USP8: variants seen among roughly 807,000 people sequenced by gnomAD.
The protein encoded by USP8 is ubiquitin carboxyl-terminal hydrolase 8.
USP8 carries 27 observed loss-of-function variants against 130.0 expected under a neutral mutation model. The ratio of observed to expected loss-of-function variants is 0.21; its 90% confidence interval spans 0.15 to 0.29. The LOEUF (loss-of-function observed/expected upper bound fraction) is 0.29. Among genes scored for constraint, USP8 ranks in the 10% least tolerant of loss-of-function variants. The probability of loss-of-function intolerance (pLI) is 1.00; values close to 1 mark genes in which losing one functional copy is unlikely to be tolerated. For synonymous variants in USP8, 392 were observed against 444.1 expected (o/e 0.88, Z 1.48); for missense variants, 1,029 against 1,312.2 (o/e 0.78, Z 3.33).
intron 1 of USP8, among the ~76,000 whole-genome samples, chr15:50,428,964 T>G (rs944003492): frequency 2.0e-5 from 3 of 152,232 alleles, no homozygotes; most frequent in African/African-American, 7.2e-5. Context: ...AGACGGCCAC[T>G]TAGTGATTAA....
chr15:50,500,544 A>T lies in USP8; in HGVS notation c.*1456A>T. On this transcript the variant is annotated 3_prime_UTR_variant, in exon 20 of 20. Transcript: ENST00000307179. The stretch of plus-strand genomic sequence containing the variant: ...TGTATAACATGCCCACAAGGCATAA[A>T]AATGTTAATGATGCAAGTAAGTTCT... The T allele has an allele frequency of 4.3e-6, 2 of 467,592 alleles. No homozygotes were observed. Among genetic ancestry groups the T allele is most frequent in the East Asian group, 3.6e-5 (1 of 28,142 alleles). The allele number at this position is 467,592 out of a possible 1,614,324, so 29.0% of individuals were successfully genotyped here. A position where few individuals can be genotyped will look rare whatever the true frequency, so the allele number is the denominator to read the frequency against.
chr15:50,499,021 A>T lies in USP8; in HGVS notation c.3290A>T (p.Lys1097Ile), dbSNP rs1442958999. 2.5e-6 allele frequency: 4 copies of T among 1,613,826 alleles called. No homozygotes were observed. Among genetic ancestry groups the T allele is most frequent in the Non-Finnish European group, 3.4e-6 (4 of 1,179,892 alleles). The change falls in exon 20 of 20, where the codon AAA (lysine) becomes ATA (isoleucine). Residue 1097 changes from lysine to isoleucine, a missense_variant. By Grantham distance (102) the Lys-to-Ile change is moderately radical (BLOSUM62 -3). Transcript: ENST00000307179. Reference protein sequence around the residue: ...EVSDISVSSVKSSAAYILFYT... With the variant: ...EVSDISVSSVISSAAYILFYT... ...TCTGATATCTCCGTTTCTTCTGTGA[A>T]ATCTTCAGCAGCTTATATCCTCTTT...
chr15:50,424,635 G>A (rs897360793), intron 1 of USP8, 121 bp downstream of exon 1: 11 of 396,804 alleles, frequency 2.8e-5, no homozygotes, highest in Admixed American at 2.2e-4. Context: ...CCGCGGAGAG[G>A]AGTGGGACAA....
At chr15:50,479,730 T>G (rs1376460783) in intron 10 of USP8, among the ~76,000 whole-genome samples, 1 of 152,004 alleles carries the variant, frequency 6.6e-6, no homozygotes, top group Non-Finnish European at 1.5e-5. Flanking sequence ...GGAAAAAAAT[T>G]ATTTTTTCTA....
intron 4 of USP8, among the ~76,000 whole-genome samples, chr15:50,453,235 T>G (rs182490481): frequency 6.6e-6 from 1 of 152,370 alleles, no homozygotes; most frequent in African/African-American, 2.4e-5. Context: ...TATCTGAAGT[T>G]ACTCTGTTTT....
chr15:50,434,154 G>C (rs772721823), intron 1 of USP8, among the ~76,000 whole-genome samples: 39 of 143,664 alleles, frequency 2.7e-4, no homozygotes, highest in Non-Finnish European at 4.9e-4. Flanking sequence ...ACAGAGTCTT[G>C]CTCTGTCGCC....
chr15:50,465,020 A>C, intron 6 of USP8, 27 bp from the exon 7 acceptor site: 1 of 1,610,896 alleles, frequency 6.2e-7, no homozygotes, highest in South Asian at 1.1e-5. Context: ...GTTTCTTGTC[A>C]CTTACACTGT....
intron 2 of USP8, among the ~76,000 whole-genome samples, chr15:50,440,843 A>G (rs996743019): frequency 2.0e-5 from 3 of 146,666 alleles, no homozygotes; most frequent in Non-Finnish European, 4.6e-5. Context: ...TCTCTACTAA[A>G]ACTAAAAAAT....
chr15:50,479,657 C>G (rs1444792281), intron 10 of USP8, among the ~76,000 whole-genome samples: 1 of 151,708 alleles, frequency 6.6e-6, no homozygotes, highest in African/African-American at 2.4e-5. Context: ...CTACTTTATT[C>G]TCAAATACAT....
At chr15:50,487,811 GAGCAACTACTA>G (rs1377356446) in intron 12 of USP8, among the ~76,000 whole-genome samples, 1 of 152,186 alleles carries the variant, frequency 6.6e-6, no homozygotes, top group Non-Finnish European at 1.5e-5. Flanking sequence ...TGTATTTGCT[GAGCAACTACTA>G]TGTCTCTAGC....
At chr15:50,485,817 T>A (rs920185410) in intron 12 of USP8, among the ~76,000 whole-genome samples, 2 of 152,050 alleles carry the variant, frequency 1.3e-5, no homozygotes, top group African/African-American at 4.8e-5. Context: ...CTCAAGTCCC[T>A]TATATAAAAT....
At position 50,481,733 on chromosome 15, in the gene USP8, A is replaced by G; in HGVS notation, c.1471A>G (p.Lys491Glu). The G allele has an allele frequency of 1.2e-6, 2 of 1,608,908 alleles. No homozygotes were observed. The highest frequency in any genetic ancestry group is 1.7e-6 in the Non-Finnish European group (2 of 1,178,300). The part of the protein sequence containing the change: ...ELRERQQEEQ[K>E]EKLRKEEQEQ... ...TCGGGAAAGGCAGCAAGAGGAACAG[A>G]AAGAGAAACTGAGGAAGGAAGAACA... is the stretch of plus-strand genomic sequence containing the variant. The change falls in exon 11 of 20, where the codon AAA (lysine) becomes GAA (glutamate). Residue 491 changes from lysine to glutamate, a missense_variant. This residue lies in a region of USP8 where 486 missense variants were observed against 522.0 expected (regional missense o/e 0.93). Transcript: ENST00000307179.
At chr15:50,497,429 C>T in intron 18 of USP8, 198 bp downstream of exon 18, 1 of 447,110 alleles carries the variant, frequency 2.2e-6, no homozygotes, top group Non-Finnish European at 3.8e-6. Flanking sequence ...AGCAAAATGA[C>T]AATACCACTA....
intron 10 of USP8, among the ~76,000 whole-genome samples, chr15:50,479,374 G>A (rs938199028): frequency 6.6e-6 from 1 of 152,158 alleles, no homozygotes; most frequent in African/African-American, 2.4e-5. Context: ...ATATGTGGGC[G>A]CTAGTCTCTG....
At chr15:50,459,231 T>C in intron 5 of USP8, 69 bp downstream of exon 5, 1 of 1,527,766 alleles carries the variant, frequency 6.5e-7, no homozygotes, top group Non-Finnish European at 8.8e-7. Flanking sequence ...TAAAAAGAGT[T>C]GAGATACCAC....
rs375143214 is a variant in USP8, at chr15:50,503,559, C to T, written c.*4471C>T. On this transcript the variant is annotated 3_prime_UTR_variant, in exon 20 of 20. Coordinates refer to ENST00000307179, the MANE Select transcript of USP8 (RefSeq NM_005154.5). ...CACCCTCAATGGAAGGATTAAAAAA[C>T]AAAATCCACCCTCTAGTGCTTGTGT... is the stretch of plus-strand genomic sequence containing the variant. 1.8e-4 allele frequency: 27 copies of T among 152,318 alleles called. No individual in the cohort carries two copies. In the East Asian group the frequency reaches 2.9e-3, roughly 16 times the overall value. The allele number at this position is 152,318 out of a possible 1,614,324, so 9.4% of individuals were successfully genotyped here.
chr15:50,482,534 AT>A (rs2051812494), intron 11 of USP8, among the ~76,000 whole-genome samples: 1 of 152,190 alleles, frequency 6.6e-6, no homozygotes, highest in Non-Finnish European at 1.5e-5. Context: ...GATCGGTGTC[AT>A]TTTGTTTCTT....
chr15:50,460,190 G>T (rs1362486942), intron 5 of USP8, among the ~76,000 whole-genome samples: 1 of 150,226 alleles, frequency 6.7e-6, no homozygotes, highest in African/African-American at 2.4e-5. Flanking sequence ...TAGAGATGGG[G>T]TTTCACCATG....
rs372709153 is a variant in USP8, at chr15:50,494,186, G to T, written c.2564G>T (p.Gly855Val). 1 of 1,613,760 alleles carries T rather than the reference G, an allele frequency of 6.2e-7. No individual in the cohort carries two copies. Among genetic ancestry groups the T allele is most frequent in the African/African-American group, 1.3e-5 (1 of 74,898 alleles). ...CCAAAGGACTTTAAAATCACCATTG[G>T]GAAGATCAATGACCAGTTTGCAGGA... ...ISPKDFKITI[G>V]KINDQFAGYS... Residue 855 changes from glycine to valine, a missense_variant, in exon 16 of 20, where the codon GGG becomes GTG. Gly to Val is a moderately radical substitution (Grantham distance 109). Coordinates refer to ENST00000307179, the MANE Select transcript of USP8 (RefSeq NM_005154.5).
Sources: allele counts gnomAD v4.1 joint callset (sites outside exome capture counted in the v4.1 genomes callset), GRCh38; gene constraint gnomAD v4.1.1; regional missense constraint gnomAD v4.1.1; transcripts MANE v1.5; gene names NCBI Gene and HGNC (gene_info 2026-07-23, HGNC 2026-07-21).